Variants in KIT observed in about 807,000 individuals in gnomAD.
The protein encoded by KIT is KIT proto-oncogene, receptor tyrosine kinase, also known as mast/stem cell growth factor receptor Kit.
In KIT, 16 loss-of-function variants were observed where a neutral mutation model predicts 105.7. The ratio of observed to expected loss-of-function variants is 0.15; its 90% CI spans 0.10 to 0.23. KIT has a LOEUF of 0.23. Among genes scored for constraint, KIT ranks in the 10% least tolerant of loss-of-function variants. The probability of loss-of-function intolerance (pLI) is 1.00; values close to 1 mark genes in which losing one functional copy is unlikely to be tolerated. For synonymous variants in KIT, 438 were observed against 441.1 expected (o/e 0.99, Z 0.09); for missense variants, 858 against 1,213.8 (o/e 0.71, Z 4.36).
intron 1 of KIT, among the ~76,000 whole-genome samples, chr4:54,678,328 CCTTCCTTCCTTCCTTCCT>C (rs1718640820): frequency 9.9e-6 from 1 of 100,590 alleles, no homozygotes; most frequent in East Asian, 2.9e-4. Context: ...TTCCTTCCTT[CCTTCCTTCCTTCCTTCCT>C]TCCTTCCCTC....
chr4:54,676,287 A>G (rs1238015858), intron 1 of KIT, among the ~76,000 whole-genome samples: 4 of 152,116 alleles, frequency 2.6e-5, no homozygotes, highest in Admixed American at 6.5e-5. Context: ...GGGCCCAGCC[A>G]TCTGTTTTAA....
intron 13 of KIT, among the ~76,000 whole-genome samples, chr4:54,728,334 C>T (rs1049844254): frequency 6.6e-6 from 1 of 152,234 alleles, no homozygotes; most frequent in Admixed American, 6.5e-5. Context: ...AGGACATACC[C>T]TAGTTATTGT....
chr4:54,710,992 G>A (rs535344055), intron 7 of KIT, among the ~76,000 whole-genome samples: 10 of 152,194 alleles, frequency 6.6e-5, no homozygotes, highest in Non-Finnish European at 1.0e-4. Flanking sequence ...AGATCCTTCC[G>A]CTTCAGCTTA....
chr4:54,716,548 G>C (rs899194106), intron 7 of KIT, among the ~76,000 whole-genome samples: 2 of 151,708 alleles, frequency 1.3e-5, no homozygotes, highest in Non-Finnish European at 2.9e-5. Flanking sequence ...AAGTCATATT[G>C]CTTTATAACC....
At chr4:54,673,017 T>G (rs545836884) in intron 1 of KIT, among the ~76,000 whole-genome samples, 6 of 152,344 alleles carry the variant, frequency 3.9e-5, no homozygotes, top group African/African-American at 1.4e-4. Context: ...GATGATAATC[T>G]TATTTTCTAT....
chr4:54,733,433 G>A (rs2109803193), intron 17 of KIT: 1 of 438,632 alleles, frequency 2.3e-6, no homozygotes, highest in South Asian at 2.3e-5. Context: ...GAAGGAAACA[G>A]AAATAGCCTT....
intron 1 of KIT, among the ~76,000 whole-genome samples, chr4:54,685,546 G>A (rs1719251812): frequency 6.6e-6 from 1 of 152,144 alleles, no homozygotes; most frequent in Non-Finnish European, 1.5e-5. Flanking sequence ...TTGTCTCCTG[G>A]CTGACCTTTC....
chr4:54,733,231 T>C (rs1433471690), intron 17 of KIT, 39 bp downstream of exon 17: 3 of 1,603,882 alleles, frequency 1.9e-6, no homozygotes, highest in Non-Finnish European at 2.6e-6. Flanking sequence ...CTGCAAAGGA[T>C]TTTTAGTTTC....
intron 13 of KIT, 63 bp downstream of exon 13, chr4:54,728,184 A>G: frequency 1.0e-5 from 13 of 1,249,454 alleles, no homozygotes. Context: ...ACATTTTAAT[A>G]TGATTTTGGC....
At chr4:54,723,734 G>GTCCTTCCCCTCTGCATT in intron 8 of KIT, 36 bp downstream of exon 8, 1 of 1,178,176 alleles carries the variant, frequency 8.5e-7, no homozygotes, top group Non-Finnish European at 1.3e-6. Context: ...TTATAATGCA[G>GTCCTTCCCCTCTGCATT]AGGGGAAGGA....
At chr4:54,680,413 A>G (rs1244097029) in intron 1 of KIT, among the ~76,000 whole-genome samples, 2 of 137,634 alleles carry the variant, frequency 1.5e-5, no homozygotes, top group Non-Finnish European at 3.0e-5. Context: ...TTTAATGAGA[A>G]GGAGTTTTGC....
chr4:54,694,907 C>T (rs1321277097), intron 1 of KIT, among the ~76,000 whole-genome samples: 2 of 152,134 alleles, frequency 1.3e-5, no homozygotes, highest in Admixed American at 1.3e-4. Flanking sequence ...TAAATAGTTT[C>T]CTATCTAGGA....
At chr4:54,737,819 G>C (rs1056602593) in intron 20 of KIT, among the ~76,000 whole-genome samples, 5 of 152,174 alleles carry the variant, frequency 3.3e-5, no homozygotes, top group Non-Finnish European at 7.3e-5. Context: ...GGAAGTGTGG[G>C]GGAATGAAAA....
rs769829553 is a variant in KIT at position 54,728,005 on chromosome 4, T to C, written c.1880-6T>C. ...TTTTTGCTAAAATGCATGTTTCCAA[T>C]TTTAGCGAGTGCCCATTTGACAGAA... On this transcript the variant is annotated splice_region_variant and splice_polypyrimidine_tract_variant and intron_variant, in intron 12 of 20. Transcript: ENST00000288135. The C allele has an allele frequency of 6.2e-7, 1 of 1,613,912 alleles. No individual in the cohort carries two copies. Among genetic ancestry groups the C allele is most frequent in the South Asian group, 1.1e-5 (1 of 91,074 alleles).
At chr4:54,684,339 G>A (rs1473672352) in intron 1 of KIT, among the ~76,000 whole-genome samples, 1 of 152,122 alleles carries the variant, frequency 6.6e-6, no homozygotes, top group Non-Finnish European at 1.5e-5. Context: ...GGGCTCCTTT[G>A]TACCACTGAG....
intron 7 of KIT, among the ~76,000 whole-genome samples, chr4:54,721,978 A>G (rs149032202): frequency 6.6e-6 from 1 of 152,316 alleles, no homozygotes; most frequent in African/African-American, 2.4e-5. Context: ...TTATAAAATA[A>G]TAACTCAGTA....
chr4:54,737,875 C>T (rs1484008136), intron 20 of KIT, among the ~76,000 whole-genome samples: 4 of 152,166 alleles, frequency 2.6e-5, no homozygotes, highest in African/African-American at 9.7e-5. Flanking sequence ...ATTAGTGATA[C>T]TTTGACTCAG....
intron 6 of KIT, among the ~76,000 whole-genome samples, chr4:54,708,033 C>T (rs1720902041): frequency 1.3e-5 from 2 of 152,072 alleles, no homozygotes; most frequent in Non-Finnish European, 2.9e-5. Context: ...GAGATGATAG[C>T]GTCCTGGGCC....
chr4:54,728,078 T>C lies in KIT; in HGVS notation c.1947T>C (p.Asn649=), dbSNP rs878853762. Residue 649 remains asparagine, a synonymous_variant, in exon 13 of 21, where the codon AAT becomes AAC. Transcript: ENST00000288135. ...TCAAAGTCCTGAGTTACCTTGGTAATCACATGAATATTGTGAATCTACTTG... is the reference window on the plus strand; with the variant it reads ...TCAAAGTCCTGAGTTACCTTGGTAACCACATGAATATTGTGAATCTACTTG... ...SELKVLSYLG[N]HMNIVNLLGA... 1 of 1,613,896 alleles carries C rather than the reference T, an allele frequency of 6.2e-7. No homozygotes were observed. Among genetic ancestry groups the C allele is most frequent in the Non-Finnish European group, 8.5e-7 (1 of 1,179,940 alleles).
Sources: gnomAD v4.1 joint callset for allele counts (sites outside exome capture counted in the v4.1 genomes callset) on GRCh38, gnomAD v4.1.1 for gene constraint, MANE v1.5 for transcripts, NCBI Gene and HGNC (gene_info 2026-07-23, HGNC 2026-07-21) for gene names.